SUSD4: variants seen among roughly 807,000 people sequenced by gnomAD.
SUSD4 encodes the protein sushi domain-containing protein 4.
A neutral mutation model predicts 50.5 loss-of-function variants in SUSD4; 41 were observed. The ratio of observed to expected loss-of-function variants is 0.81; its 90% CI spans 0.63 to 1.05. SUSD4 has a LOEUF of 1.05. Among genes scored for constraint, SUSD4 ranks in the 50% least tolerant of loss-of-function variants. The probability of loss-of-function intolerance (pLI) is 0.00; values close to 1 mark genes in which losing one functional copy is unlikely to be tolerated. For missense variants in SUSD4, 580 were observed against 634.7 expected, an observed-to-expected ratio of 0.91 and a Z score of 0.93; for synonymous variants, 257 against 257.3, an observed-to-expected ratio of 1.00 and a Z score of 0.01.
chr1:223,235,487 C>A (rs1427102545), intron 5 of SUSD4, among the ~76,000 whole-genome samples: 1 of 151,980 alleles, frequency 6.6e-6, no homozygotes, highest in Non-Finnish European at 1.5e-5. Context: ...TTTCATTGCC[C>A]CCCCAAATCC....
upstream of SUSD4, among the ~76,000 whole-genome samples, chr1:223,364,699 G>T (rs1669221848): frequency 6.6e-6 from 1 of 151,484 alleles, no homozygotes; most frequent in South Asian, 2.1e-4. This position sits in a 1 kb window ranked among gnomAD's most constrained non-coding sequence, Gnocchi z 4.5. Flanking sequence ...AGAGCGCTCC[G>T]CCCTAGAACT....
chr1:223,300,045 A>G (rs1665082078), intron 2 of SUSD4, among the ~76,000 whole-genome samples: 1 of 152,184 alleles, frequency 6.6e-6, no homozygotes, highest in South Asian at 2.1e-4. Flanking sequence ...ATGTCCCTCC[A>G]CCCAGAGGAT....
chr1:223,293,564 A>G (rs1479544789), intron 2 of SUSD4, among the ~76,000 whole-genome samples: 2 of 152,180 alleles, frequency 1.3e-5, no homozygotes, highest in Admixed American at 6.5e-5. Context: ...GAGAGCCCAG[A>G]AGCCCAGGCA....
intron 5 of SUSD4, among the ~76,000 whole-genome samples, chr1:223,247,263 G>T (rs1416635924): frequency 6.6e-6 from 1 of 152,166 alleles, no homozygotes; most frequent in Non-Finnish European, 1.5e-5. Context: ...CTAAGTTCTA[G>T]CCAATGGAAT....
At position 223,229,314 on chromosome 1, in the gene SUSD4, C is replaced by G; in HGVS notation, c.799G>C (p.Gly267Arg). Reference protein sequence around the residue: ...HPRPCERYNHGTVVEFYCDPG... With the variant: ...HPRPCERYNHRTVVEFYCDPG... Reference sequence around the variant, plus strand: ...TCGCAGTAAAACTCCACCACAGTTCCGTGGTTGTAGCGCTCACAAGGCCGC... The same window carrying G: ...TCGCAGTAAAACTCCACCACAGTTCGGTGGTTGTAGCGCTCACAAGGCCGC... Residue 267 changes from glycine to arginine, a missense_variant, in exon 6 of 9, where the codon GGA (glycine) becomes CGA (arginine). Physicochemically the swap from Gly to Arg is moderately radical, Grantham distance 125. Transcript: ENST00000366878. This position sits in a 1 kb window ranked among gnomAD's most constrained non-coding sequence, Gnocchi z 4.7. 2 of 1,612,570 alleles carry G rather than the reference C, an allele frequency of 1.2e-6. No homozygotes were observed. Among genetic ancestry groups the G allele is most frequent in the Non-Finnish European group, 1.7e-6 (2 of 1,178,846 alleles).
At chr1:223,278,237 C>T (rs1663420398) in intron 3 of SUSD4, among the ~76,000 whole-genome samples, 2 of 152,140 alleles carry the variant, frequency 1.3e-5, no homozygotes, top group South Asian at 4.1e-4. Context: ...GGGTGCAGCC[C>T]ACCGAGTGTG....
intron 5 of SUSD4, among the ~76,000 whole-genome samples, chr1:223,259,801 G>A (rs147614758): frequency 5.4e-4 from 82 of 152,150 alleles, no homozygotes; most frequent in Non-Finnish European, 1.0e-3. Context: ...CTACATGGTT[G>A]GTTCATTTAC....
rs189096423 is a variant in SUSD4, at chr1:223,274,174, G to A, written c.362-5499C>T. Among the ~76,000 whole-genome samples, 7 of 152,274 alleles carry A rather than the reference G, an allele frequency of 4.6e-5. 1 individual carries two copies. The Middle Eastern group carries it at 0.01, about 222-fold the overall frequency. The stretch of plus-strand genomic sequence containing the variant: ...GCTGTTCTAAAGAACTGTCATTCCA[G>A]CACAGCTCAGAGCACACTGTCCCAA... On this transcript the variant is annotated intron_variant, in intron 3 of 8. Coordinates refer to ENST00000366878, the MANE Select transcript of SUSD4 (RefSeq NM_017982.4).
At chr1:223,319,740 A>G (rs547931577) in intron 2 of SUSD4, among the ~76,000 whole-genome samples, 1 of 152,280 alleles carries the variant, frequency 6.6e-6, no homozygotes, top group African/African-American at 2.4e-5. Flanking sequence ...ATTTTAATCC[A>G]CGGTTTCTTT....
At chr1:223,314,997 G>A (rs1666098793) in intron 2 of SUSD4, among the ~76,000 whole-genome samples, 2 of 152,202 alleles carry the variant, frequency 1.3e-5, no homozygotes, top group Non-Finnish European at 2.9e-5. Context: ...GAGGCTGAGG[G>A]AGTGGAGCTC....
intron 5 of SUSD4, among the ~76,000 whole-genome samples, chr1:223,230,031 T>C (rs547693888): frequency 6.6e-6 from 1 of 152,210 alleles, no homozygotes; most frequent in African/African-American, 2.4e-5. Context: ...CTTAACCTCT[T>C]TGAGCCTTGA....
chr1:223,343,322 C>A (rs1395840666), intron 2 of SUSD4, among the ~76,000 whole-genome samples: 1 of 152,234 alleles, frequency 6.6e-6, no homozygotes, highest in Non-Finnish European at 1.5e-5. Flanking sequence ...TAAGCTCTTT[C>A]AAAGCTAAGT....
chr1:223,239,007 T>C (rs1660398802), intron 5 of SUSD4, among the ~76,000 whole-genome samples: 1 of 152,064 alleles, frequency 6.6e-6, no homozygotes, highest in Non-Finnish European at 1.5e-5. Flanking sequence ...TGTAGTTTGA[T>C]GTTCTGTTAA....
intron 7 of SUSD4, among the ~76,000 whole-genome samples, chr1:223,224,308 G>A (rs1401274516): frequency 6.6e-6 from 1 of 152,164 alleles, no homozygotes; most frequent in Non-Finnish European, 1.5e-5. Context: ...CTGCACTCCA[G>A]CCTGGGTAAC....
Position 223,223,304 on chromosome 1 carries a change from A to T in SUSD4, c.1389T>A (p.Ile463=). ...ATGCCACCTCCTCTGCCGTGCTGGC[A>T]ATTATGTCAGGGTTGTCCGAAGCAG... The part of the protein sequence containing the change: ...THPASDNPDI[I]ASTAEEVAST... Residue 463 remains isoleucine (I), a synonymous_variant, in exon 8 of 9, where the codon ATT becomes ATA. Coordinates refer to ENST00000366878, the MANE Select transcript of SUSD4 (RefSeq NM_017982.4). The T allele has an allele frequency of 6.3e-7, 1 of 1,591,892 alleles. No homozygotes were observed. Among genetic ancestry groups the T allele is most frequent in the Non-Finnish European group, 8.5e-7 (1 of 1,170,292 alleles).
chr1:223,231,158 C>T lies in SUSD4; in HGVS notation c.725-1770G>A, dbSNP rs1313304166. 2.0e-5 allele frequency among the ~76,000 whole-genome samples: 3 copies of T among 152,068 alleles called. No homozygotes were observed. Among genetic ancestry groups the T allele is most frequent in the Non-Finnish European group, 4.4e-5 (3 of 68,014 alleles). On this transcript the variant is annotated intron_variant, in intron 5 of 8. Transcript: ENST00000366878. This position sits in a 1 kb window ranked among gnomAD's most constrained non-coding sequence, Gnocchi z 4.2. Reference sequence around the variant, plus strand: ...CTGGAGCCCGGGGAAACTCAGACCCCGCTGGAGATGTCCCCAGGGCAGGAA... The same window carrying T: ...CTGGAGCCCGGGGAAACTCAGACCCTGCTGGAGATGTCCCCAGGGCAGGAA...
intron 2 of SUSD4, among the ~76,000 whole-genome samples, chr1:223,354,798 C>T (rs1668565592): frequency 6.6e-6 from 1 of 152,110 alleles, no homozygotes; most frequent in Non-Finnish European, 1.5e-5. Flanking sequence ...TGTTTCTTGC[C>T]TGGAGAAAAT....
intron 2 of SUSD4, among the ~76,000 whole-genome samples, chr1:223,356,990 G>A (rs1472070241): frequency 1.3e-5 from 2 of 152,196 alleles, no homozygotes; most frequent in Non-Finnish European, 2.9e-5. Context: ...GGGAGCAACA[G>A]AGCTCAGAGA....
intron 2 of SUSD4, among the ~76,000 whole-genome samples, chr1:223,338,935 A>G (rs1004780215): frequency 1.3e-5 from 2 of 152,214 alleles, no homozygotes; most frequent in Non-Finnish European, 2.9e-5. Context: ...AAATACATCC[A>G]GTTCCAGGTG....
Sources: gnomAD v4.1 joint callset for allele counts (sites outside exome capture counted in the v4.1 genomes callset) on GRCh38, gnomAD v4.1.1 for gene constraint, Gnocchi (gnomAD v3.1) non-coding constraint, MANE v1.5 for transcripts, NCBI Gene and HGNC (gene_info 2026-07-23, HGNC 2026-07-21) for gene names.